TBC1D31: variants seen among roughly 807,000 people sequenced by gnomAD.
TBC1D31 encodes TBC1 domain family member 31, also known as WD repeat domain 67.
TBC1D31 carries 99 observed loss-of-function variants against 132.9 expected under a neutral mutation model. That is an observed-to-expected ratio of 0.74 (90% CI 0.63 to 0.88). TBC1D31 has a LOEUF of 0.88. Among genes scored for constraint, TBC1D31 ranks in the 40% least tolerant of loss-of-function variants. The pLI, the probability that TBC1D31 is intolerant of heterozygous loss-of-function variation, is 0.00. For synonymous variants in TBC1D31, 385 were observed against 419.4 expected, an observed-to-expected ratio of 0.92 and a Z score of 1.00; for missense variants, 1,134 against 1,256.6, an observed-to-expected ratio of 0.90 and a Z score of 1.48.
chr8:123,108,945 G>A (rs1347634228), intron 8 of TBC1D31, among the ~76,000 whole-genome samples: 1 of 152,156 alleles, frequency 6.6e-6, no homozygotes, highest in East Asian at 1.9e-4. Context: ...CATGAGAACA[G>A]CATGGGGGAA....
chr8:123,159,476 T>C, the TBC1D31 span, among the ~76,000 whole-genome samples: 1 of 152,250 alleles, frequency 6.6e-6, no homozygotes, highest in Admixed American at 6.5e-5. Flanking sequence ...TAGATGTTTA[T>C]ATTTGCTAGT....
intron 1 of TBC1D31, among the ~76,000 whole-genome samples, chr8:123,075,939 A>G (rs1042373362): frequency 3.3e-5 from 5 of 152,212 alleles, no homozygotes; most frequent in Non-Finnish European, 7.3e-5. Flanking sequence ...CTTTAAACAC[A>G]TGTATTCTTG....
intron 1 of TBC1D31, chr8:123,074,807 A>C (rs1349973101): frequency 1.3e-5 from 2 of 152,224 alleles, no homozygotes; most frequent in Non-Finnish European, 2.9e-5. Flanking sequence ...TGGGGAAGTT[A>C]ATCACTAAGG....
At chr8:123,087,909 A>G (rs999148274) in intron 4 of TBC1D31, among the ~76,000 whole-genome samples, 39 of 152,250 alleles carry the variant, frequency 2.6e-4, no homozygotes, top group African/African-American at 8.9e-4. Flanking sequence ...AGGACCGGGT[A>G]CGGGGGCTTA....
At chr8:123,089,149 A>G (rs1474240942) in intron 4 of TBC1D31, among the ~76,000 whole-genome samples, 1 of 152,214 alleles carries the variant, frequency 6.6e-6, no homozygotes, top group Non-Finnish European at 1.5e-5. Flanking sequence ...TGGAGCATTT[A>G]AGATTTCAGA....
At position 123,105,438 on chromosome 8, in the gene TBC1D31, C is replaced by T. The variant is rs1272094047; in HGVS notation, c.1183C>T (p.Leu395=). 3 of 1,609,134 alleles carry T rather than the reference C, an allele frequency of 1.9e-6. No individual in the cohort carries two copies. The East Asian group carries it at 6.7e-5, about 36-fold the overall frequency. ...GCAAACTAGAATATTAAAACAAGACCTGACTGGTGATTTTGAAAGTAAAAA... is the reference window on the plus strand; with the variant it reads ...GCAAACTAGAATATTAAAACAAGACTTGACTGGTGATTTTGAAAGTAAAAA... ...KMQTRILKQD[L]TGDFESKKNE... The change falls in exon 8 of 22, where the codon CTG becomes TTG. Residue 395 remains leucine, a synonymous_variant. Transcript: ENST00000287380.
chr8:123,147,611 C>T (rs538898645), intron 20 of TBC1D31, among the ~76,000 whole-genome samples: 1 of 152,318 alleles, frequency 6.6e-6, no homozygotes, highest in South Asian at 2.1e-4. Flanking sequence ...ATGATGTCTT[C>T]CCTTCGTGCT....
chr8:123,163,527 G>C, the TBC1D31 span, among the ~76,000 whole-genome samples: 1 of 151,802 alleles, frequency 6.6e-6, no homozygotes, highest in African/African-American at 2.4e-5. Context: ...ACCACACCCG[G>C]TTAATTTTTG....
chr8:123,100,197 A>G (rs1333600535), intron 6 of TBC1D31, among the ~76,000 whole-genome samples: 2 of 152,150 alleles, frequency 1.3e-5, no homozygotes, highest in Non-Finnish European at 2.9e-5. Context: ...ACCTTTCCAT[A>G]GTCTACCATG....
chr8:123,109,423 T>C, intron 9 of TBC1D31, 27 bp downstream of exon 9: 1 of 1,607,100 alleles, frequency 6.2e-7, no homozygotes, highest in Admixed American at 1.7e-5. Flanking sequence ...GTATGTTACA[T>C]CAGTTTTACT....
chr8:123,140,689 T>A, intron 17 of TBC1D31, 72 bp from the exon 18 acceptor site: 1 of 1,281,374 alleles, frequency 7.8e-7, no homozygotes. Flanking sequence ...ATATTACTAT[T>A]CTGAAAAAAG....
At chr8:123,120,335 A>G (rs1310756966) in intron 11 of TBC1D31, 147 bp downstream of exon 11, 4 of 675,734 alleles carry the variant, frequency 5.9e-6, no homozygotes, top group Non-Finnish European at 7.0e-6. Context: ...TCAAACATAA[A>G]ATAGACAATT....
chr8:123,084,233 G>C lies in TBC1D31; in HGVS notation c.412G>C (p.Gly138Arg), dbSNP rs1815482062. 2 of 1,614,032 alleles carry C rather than the reference G, an allele frequency of 1.2e-6. No homozygotes were observed. The highest frequency in any genetic ancestry group is 2.7e-5 in the African/African-American group (2 of 74,932). ...SVFSISVHAS[G>R]KYAITTSSDT... ...ATTTTCGATCTCTGTGCATGCATCA[G>C]GGAAATATGCCATCACAACTTCTTC... The change falls in exon 4 of 22, where the codon GGG becomes CGG. Residue 138 changes from glycine to arginine, a missense_variant. Transcript: ENST00000287380.
At chr8:123,091,791 C>G (rs1480747296) in intron 4 of TBC1D31, among the ~76,000 whole-genome samples, 2 of 152,022 alleles carry the variant, frequency 1.3e-5, no homozygotes, top group African/African-American at 4.8e-5. Flanking sequence ...TTTGCATTAA[C>G]AAAAGGAAGC....
At chr8:123,147,185 CT>C (rs747967402) in intron 20 of TBC1D31, among the ~76,000 whole-genome samples, 28 of 150,098 alleles carry the variant, frequency 1.9e-4, no homozygotes, top group Middle Eastern at 6.9e-3. Context: ...TGGTTGTTTG[CT>C]TTTTTGAGAC....
In TBC1D31 at chr8:123,130,352, A is replaced by G; in HGVS notation, c.2406+19A>G. On this transcript the variant is annotated intron_variant, in intron 16 of 21. Coordinates refer to ENST00000287380, the MANE Select transcript of TBC1D31 (RefSeq NM_145647.4). ...GAGAAAGGTTTATTATTCTTAACTTAGTTCTCATACATCATCTCCATTTAC... is the reference window on the plus strand; with the variant it reads ...GAGAAAGGTTTATTATTCTTAACTTGGTTCTCATACATCATCTCCATTTAC... 6.2e-7 allele frequency: 1 copy of G among 1,600,196 alleles called. No individual in the cohort carries two copies.
chr8:123,124,548 A>G (rs1181635992), intron 11 of TBC1D31, among the ~76,000 whole-genome samples: 2 of 152,132 alleles, frequency 1.3e-5, no homozygotes, highest in African/African-American at 4.8e-5. Flanking sequence ...GCCTTTGGGT[A>G]TATGTGTGGT....
rs765313461 is a variant in TBC1D31 at position 123,126,202 on chromosome 8, A to C, written c.1704+13A>C. The C allele has an allele frequency of 6.3e-7, 1 of 1,597,684 alleles. No homozygotes were observed. Among genetic ancestry groups the C allele is most frequent in the Non-Finnish European group, 8.5e-7 (1 of 1,174,516 alleles). On this transcript the variant is annotated intron_variant, in intron 12 of 21. Coordinates refer to ENST00000287380, the MANE Select transcript of TBC1D31 (RefSeq NM_145647.4). ...TATAACCTCCCAGGTAAGAAGCATA[A>C]GGTTTTTAGAATAACATGCCTTATT...
rs1820045330 is a variant in TBC1D31 at position 123,126,498 on chromosome 8, T to C, written c.1705-10T>C. The C allele has an allele frequency of 1.9e-6, 3 of 1,600,054 alleles. No homozygotes were observed. Among genetic ancestry groups the C allele is most frequent in the Non-Finnish European group, 2.6e-6 (3 of 1,175,290 alleles). On this transcript the variant is annotated splice_polypyrimidine_tract_variant and intron_variant, in intron 12 of 21. Transcript: ENST00000287380. Reference sequence around the variant, plus strand: ...TAGAAAAATAATAAATTTTTCCTTATCTGTTTTAGCTATATGCATGGCCTC... The same window carrying C: ...TAGAAAAATAATAAATTTTTCCTTACCTGTTTTAGCTATATGCATGGCCTC...
Sources: gnomAD v4.1 joint callset for allele counts (sites outside exome capture counted in the v4.1 genomes callset) on GRCh38, gnomAD v4.1.1 for gene constraint, MANE v1.5 for transcripts, NCBI Gene and HGNC (gene_info 2026-07-23, HGNC 2026-07-21) for gene names.